SYNE1: variants seen among roughly 807,000 people sequenced by gnomAD.
SYNE1 encodes spectrin repeat containing nuclear envelope protein 1, also known as nesprin-1.
SYNE1 carries 616 observed loss-of-function variants against 1,111.0 expected under a neutral mutation model. The observed-to-expected ratio is 0.55, with a 90% confidence interval of 0.52 to 0.59. SYNE1 has a LOEUF of 0.59. Ranked by LOEUF, SYNE1 falls within the 20% of genes least tolerant of loss-of-function variation. SYNE1 has a pLI of 0.00. For missense variants in SYNE1, 10,006 were observed against 10,417.0 expected, an observed-to-expected ratio of 0.96 and a Z score of 1.72; for synonymous variants, 3,855 against 3,825.8, an observed-to-expected ratio of 1.01 and a Z score of -0.28.
intron 59 of SYNE1, 109 bp downstream of exon 59, chr6:152,372,928 A>G: frequency 1.6e-6 from 2 of 1,236,634 alleles, no homozygotes; most frequent in Admixed American, 1.7e-5. Context: ...GAGAGGGGTA[A>G]CCAAAATCAT....
chr6:152,209,342 C>T (rs747372484), intron 124 of SYNE1, among the ~76,000 whole-genome samples: 3 of 152,158 alleles, frequency 2.0e-5, no homozygotes, highest in Non-Finnish European at 4.4e-5. Flanking sequence ...AATGACTCAA[C>T]TTAAACAAAA....
At chr6:152,346,741 C>T (rs1021771512) in intron 73 of SYNE1, among the ~76,000 whole-genome samples, 10 of 152,110 alleles carry the variant, frequency 6.6e-5, no homozygotes, top group African/African-American at 1.4e-4. Context: ...ACCTGGGAGG[C>T]GGAGCTTGCA....
At chr6:152,521,322 G>A (rs140880782) in intron 5 of SYNE1, among the ~76,000 whole-genome samples, 2 of 152,072 alleles carry the variant, frequency 1.3e-5, no homozygotes, top group African/African-American at 4.8e-5. Flanking sequence ...GATTATTCTT[G>A]TACTTCTCAC....
chr6:152,520,413 G>A (rs1029772678), intron 6 of SYNE1, 46 bp downstream of exon 6: 5 of 1,587,418 alleles, frequency 3.1e-6, no homozygotes, highest in Non-Finnish European at 2.6e-6. Flanking sequence ...ACATAAGTAT[G>A]CCCACACCTT....
At chr6:152,610,631 G>A (rs2758796) in intron 3 of SYNE1, among the ~76,000 whole-genome samples, 108,747 of 151,904 alleles carry the variant, frequency 0.72, 39,008 homozygotes, top group East Asian at 0.81. Context: ...TTCAAATACA[G>A]GAAGTTCATA....
intron 139 of SYNE1, among the ~76,000 whole-genome samples, chr6:152,140,570 C>T (rs113934480): frequency 8.3e-4 from 127 of 152,200 alleles, no homozygotes; most frequent in Non-Finnish European, 1.4e-3. Context: ...TGGTAGTGCG[C>T]GCCTGTAATC....
Position 152,608,435 on chromosome 6 carries a change from TA to T in SYNE1, c.67+19829del, listed in dbSNP as rs1487550890. ...TTATATAAATTAAGCACACACAAAA[TA>T]TTAGTTATGCTTTTCAACTCAGAAG... is the stretch of plus-strand genomic sequence containing the variant. On this transcript the variant is annotated intron_variant, in intron 3 of 145. Transcript: ENST00000367255. 5.9e-5 allele frequency among the ~76,000 whole-genome samples: 9 copies of T among 152,268 alleles called. No homozygotes were observed. In the East Asian group the frequency reaches 1.7e-3, roughly 29 times the overall value.
chr6:152,352,344 T>C lies in SYNE1; in HGVS notation c.11263A>G (p.Lys3755Glu), dbSNP rs1243157844. ...AAACTGTGACCTTTCTCCATGTCTT[T>C]GAGCAAAACCTGAAAAAGAGAGTGA... ...KKLKTLEVLL[K>E]DMEKGHSLLK... The change falls in exon 70 of 146, where the codon AAA becomes GAA. Residue 3755 changes from lysine to glutamate, a missense_variant. By Grantham distance (56) the Lys-to-Glu change is moderately conservative. Coordinates refer to ENST00000367255, the MANE Select transcript of SYNE1 (RefSeq NM_182961.4). The C allele has an allele frequency of 6.2e-7, 1 of 1,614,120 alleles. No homozygotes were observed. Among genetic ancestry groups the C allele is most frequent in the Non-Finnish European group, 8.5e-7 (1 of 1,180,034 alleles).
At chr6:152,139,717 AAAAGAAAGAAAGAAAGAAAG>A (rs138419982) in intron 140 of SYNE1, among the ~76,000 whole-genome samples, 12 of 95,428 alleles carry the variant, frequency 1.3e-4, no homozygotes, top group Admixed American at 3.5e-4. Context: ...AAAAGAAAGA[AAAAGAAAGAAAGAAAGAAAG>A]AAAGAAAGAA....
chr6:152,498,619 T>G (rs936199100), intron 11 of SYNE1, 123 bp downstream of exon 11: 1 of 567,034 alleles, frequency 1.8e-6, no homozygotes, highest in Non-Finnish European at 3.0e-6. Context: ...ACGCAAATGA[T>G]GTGATTAAAG....
chr6:152,369,252 T>C, intron 60 of SYNE1, 125 bp from the exon 61 acceptor site: 2 of 1,377,450 alleles, frequency 1.5e-6, no homozygotes, highest in Non-Finnish European at 2.0e-6. Context: ...GGCTTTATTA[T>C]CTCCAATCTA....
At chr6:152,215,814 C>T (rs2078499470) in intron 121 of SYNE1, among the ~76,000 whole-genome samples, 1 of 152,202 alleles carries the variant, frequency 6.6e-6, no homozygotes, top group Non-Finnish European at 1.5e-5. Flanking sequence ...TTGCTCCAGG[C>T]CAGCCAGCTA....
rs764169067 is a variant in SYNE1 at position 152,326,030 on chromosome 6, C to A, written c.15366G>T (p.Lys5122Asn). Reference sequence around the variant, plus strand: ...TCAACAAAGAAAACTCAGACAATTTCTTTTCTGTATCATTCATCAATTCAA... The same window carrying A: ...TCAACAAAGAAAACTCAGACAATTTATTTTCTGTATCATTCATCAATTCAA... ...EVIELMNDTE[K>N]KLSEFSLLKT... Residue 5122 changes from lysine to asparagine, a missense_variant, in exon 80 of 146, where the codon AAG (lysine) becomes AAT (asparagine). Physicochemically the swap from Lys to Asn is moderately conservative, Grantham distance 94. Transcript: ENST00000367255. The A allele has an allele frequency of 4.3e-6, 7 of 1,614,194 alleles. No individual in the cohort carries two copies. The highest frequency in any genetic ancestry group is 4.5e-5 in the East Asian group (2 of 44,882).
Position 152,394,111 on chromosome 6 carries a change from A to G in SYNE1, c.7712+1405T>C, listed in dbSNP as rs190394461. Among the ~76,000 whole-genome samples, 9 of 152,326 alleles carry G rather than the reference A, an allele frequency of 5.9e-5. No individual in the cohort carries two copies. In the East Asian group the frequency reaches 9.6e-4, roughly 16 times the overall value. ...CTGTTCCTGTATTAGTTTGCTGAGA[A>G]TGATGGTTTCCAGCTTCATCTATGT... On this transcript the variant is annotated intron_variant, in intron 51 of 145. Transcript: ENST00000367255.
At chr6:152,232,827 C>T (rs372426311) in intron 112 of SYNE1, among the ~76,000 whole-genome samples, 4 of 152,268 alleles carry the variant, frequency 2.6e-5, no homozygotes, top group Admixed American at 6.5e-5. Context: ...ATGTGTATTA[C>T]GATGATTTGG....
chr6:152,201,749 G>A (rs1025728159), intron 127 of SYNE1, 75 bp downstream of exon 127: 1 of 1,607,458 alleles, frequency 6.2e-7, no homozygotes, highest in Non-Finnish European at 8.5e-7. Flanking sequence ...CTAAGAGTTT[G>A]ACTGGATTAT....
Position 152,268,092 on chromosome 6 carries a change from A to G in SYNE1, c.18779T>C (p.Ile6260Thr). The G allele has an allele frequency of 6.2e-7, 1 of 1,614,074 alleles. No individual in the cohort carries two copies. The highest frequency in any genetic ancestry group is 8.5e-7 in the Non-Finnish European group (1 of 1,179,952). ...AGAGGTCTCTGCCGCCGAATGTTGA[A>G]TTAGAATCTCCTCTCCACGACTGGC... Reference protein sequence around the residue: ...SVASRGEEILIQHSAAETSGD... With the variant: ...SVASRGEEILTQHSAAETSGD... Residue 6260 changes from isoleucine to threonine, a missense_variant, in exon 100 of 146, where the codon ATT becomes ACT. This residue lies in a region of SYNE1 where 2,182 missense variants were observed against 2,287.8 expected (regional missense o/e 0.95). Coordinates refer to ENST00000367255, the MANE Select transcript of SYNE1 (RefSeq NM_182961.4).
At chr6:152,505,148 C>T (rs1183354688) in intron 9 of SYNE1, 53 bp downstream of exon 9, 1 of 1,591,014 alleles carries the variant, frequency 6.3e-7, no homozygotes, top group African/African-American at 1.3e-5. Flanking sequence ...GGGTTTAAGA[C>T]ATAAAAACCC....
At position 152,505,935 on chromosome 6, in the gene SYNE1, T is replaced by A. The variant is rs548829823; in HGVS notation, c.582-538A>T. Among the ~76,000 whole-genome samples the A allele has an allele frequency of 2.3e-4, 35 of 152,362 alleles. No homozygotes were observed. The South Asian group carries it at 2.9e-3, about 13-fold the overall frequency. On this transcript the variant is annotated intron_variant, in intron 8 of 145. Coordinates refer to ENST00000367255, the MANE Select transcript of SYNE1 (RefSeq NM_182961.4). The stretch of plus-strand genomic sequence containing the variant: ...CTGAATACTTTCAAATGCAGTAGAA[T>A]AGACAAATGCAAATATTGCAATTAT...
Sources: allele counts gnomAD v4.1 joint callset (sites outside exome capture counted in the v4.1 genomes callset), GRCh38; gene constraint gnomAD v4.1.1; regional missense constraint gnomAD v4.1.1; transcripts MANE v1.5; gene names NCBI Gene and HGNC (gene_info 2026-07-23, HGNC 2026-07-21).